The following CACNB4 variants were observed in gnomAD, a reference collection of about 807,000 sequenced individuals.
CACNB4 encodes calcium voltage-gated channel auxiliary subunit beta 4, also known as voltage-dependent L-type calcium channel subunit beta-4.
CACNB4 carries 32 observed loss-of-function variants against 71.2 expected under a neutral mutation model. The observed-to-expected ratio is 0.45, with a 90% CI of 0.34 to 0.60. The LOEUF (loss-of-function observed/expected upper bound fraction) is 0.60, where lower values mean the gene tolerates loss of function less well. Among genes scored for constraint, CACNB4 ranks in the 20% least tolerant of loss-of-function variants. CACNB4 has a pLI of 0.01. For missense variants in CACNB4, 464 were observed against 647.9 expected (o/e 0.72, Z 3.08); for synonymous variants, 231 against 236.9 (o/e 0.97, Z 0.23).
intron 2 of CACNB4, among the ~76,000 whole-genome samples, chr2:152,096,607 TA>T (rs1483583064): frequency 6.6e-6 from 1 of 152,248 alleles, no homozygotes; most frequent in Non-Finnish European, 1.5e-5. Context: ...TCCCATTTCA[TA>T]GATGAAATAT....
intron 2 of CACNB4, among the ~76,000 whole-genome samples, chr2:152,012,227 T>C (rs1056849316): frequency 6.6e-6 from 1 of 151,900 alleles, no homozygotes; most frequent in Non-Finnish European, 1.5e-5. Context: ...ATCCTTCCAG[T>C]GCGAAAAGAT....
intron 5 of CACNB4, among the ~76,000 whole-genome samples, chr2:151,875,775 G>A (rs1391902442): frequency 8.4e-6 from 1 of 119,046 alleles, no homozygotes; most frequent in African/African-American, 3.6e-5. Flanking sequence ...CCTCCCGGAC[G>A]GGGCGGCTGG....
At chr2:151,873,626 C>T (rs1023053768) in intron 5 of CACNB4, 2 of 151,958 alleles carry the variant, frequency 1.3e-5, no homozygotes, top group African/African-American at 4.8e-5. Flanking sequence ...GGAAAGGGGT[C>T]ACTGAAAGGG....
chr2:151,879,104 G>C (rs1212104673), intron 4 of CACNB4, among the ~76,000 whole-genome samples: 3 of 152,126 alleles, frequency 2.0e-5, no homozygotes, highest in Non-Finnish European at 4.4e-5. Context: ...GCATAGGTCT[G>C]GAATTTAAAT....
intron 2 of CACNB4, among the ~76,000 whole-genome samples, chr2:151,923,254 T>G (rs1188271630): frequency 1.3e-5 from 2 of 152,194 alleles, no homozygotes; most frequent in East Asian, 3.8e-4. Context: ...TGAAACTGGG[T>G]CCAACACCTA....
At chr2:151,984,517 T>C (rs1017249895) in intron 2 of CACNB4, among the ~76,000 whole-genome samples, 2 of 152,094 alleles carry the variant, frequency 1.3e-5, no homozygotes, top group Non-Finnish European at 2.9e-5. Context: ...ACCAGCAACT[T>C]TGGGAATCAT....
Position 151,839,269 on chromosome 2 carries a change from C to T in CACNB4, c.1413G>A (p.Arg471=), listed in dbSNP as rs1805029. 1.9e-3 allele frequency: 3,008 copies of T among 1,613,618 alleles called. 4 individuals carry two copies. The highest frequency in any genetic ancestry group is 2.6e-3 in the Middle Eastern group (16 of 6,062). Residue 471 remains arginine, a synonymous_variant, in exon 14 of 14, where the codon AGG becomes AGA. Transcript: ENST00000539935. The part of the protein sequence containing the change: ...NYHNERARKS[R]NRLSSSSQHS... ...GCTGAGAACTGGAAGACAAGCGGTT[C>T]CTACTCTTCCGAGCCCTTTCATTGT... is the stretch of plus-strand genomic sequence containing the variant.
rs542014257 is a variant in CACNB4 at position 151,924,888 on chromosome 2, A to G, written c.148-41518T>C. On this transcript the variant is annotated intron_variant, in intron 2 of 13. Transcript: ENST00000539935. ...TAGGTACCCTTTACACATTGTGACAATGATTCTATCGTTTTTTTCAAGGAA... is the reference window on the plus strand; with the variant it reads ...TAGGTACCCTTTACACATTGTGACAGTGATTCTATCGTTTTTTTCAAGGAA... Among the ~76,000 whole-genome samples the G allele has an allele frequency of 5.9e-5, 9 of 152,280 alleles. No homozygotes were observed. The South Asian group carries it at 1.7e-3, about 28-fold the overall frequency.
At chr2:151,950,391 G>A (rs947666804) in intron 2 of CACNB4, among the ~76,000 whole-genome samples, 1 of 152,138 alleles carries the variant, frequency 6.6e-6, no homozygotes, top group African/African-American at 2.4e-5. Flanking sequence ...CATGCTTCAG[G>A]CCCTATGGAA....
chr2:151,848,696 C>T (rs561777649), intron 12 of CACNB4, among the ~76,000 whole-genome samples: 6 of 152,154 alleles, frequency 3.9e-5, no homozygotes, highest in Non-Finnish European at 8.8e-5. Context: ...TGATCAATGT[C>T]ATTTTACACA....
chr2:152,025,417 T>C (rs1482041575), intron 2 of CACNB4, among the ~76,000 whole-genome samples: 1 of 152,240 alleles, frequency 6.6e-6, no homozygotes, highest in Non-Finnish European at 1.5e-5. Flanking sequence ...CAGACAACCT[T>C]ATTCCAGATA....
intron 2 of CACNB4, among the ~76,000 whole-genome samples, chr2:152,082,253 C>A (rs953021257): frequency 6.6e-6 from 1 of 152,204 alleles, no homozygotes; most frequent in African/African-American, 2.4e-5. Flanking sequence ...AATTATCTTT[C>A]CTCCTGTAAA....
chr2:151,880,300 T>C (rs2099847507), intron 4 of CACNB4: 1 of 155,510 alleles, frequency 6.4e-6, no homozygotes, highest in Non-Finnish European at 1.4e-5. Flanking sequence ...TGCCTTTCTG[T>C]TTCCCAGAGC....
At chr2:151,942,645 T>C (rs1387225317) in intron 2 of CACNB4, among the ~76,000 whole-genome samples, 1 of 136,354 alleles carries the variant, frequency 7.3e-6, no homozygotes. Flanking sequence ...GCTAAATTCT[T>C]TTCCTAGCAA....
intron 2 of CACNB4, among the ~76,000 whole-genome samples, chr2:152,091,023 AAC>A (rs1269786687): frequency 5.3e-5 from 8 of 151,910 alleles, no homozygotes; most frequent in African/African-American, 1.9e-4. Flanking sequence ...CAGCCTGAGC[AAC>A]AGAGTGTGAC....
At chr2:152,046,433 T>C (rs1048676179) in intron 2 of CACNB4, among the ~76,000 whole-genome samples, 3 of 152,240 alleles carry the variant, frequency 2.0e-5, no homozygotes, top group African/African-American at 7.2e-5. Context: ...ATAATCTCTC[T>C]ATAATTTCTT....
intron 2 of CACNB4, among the ~76,000 whole-genome samples, chr2:151,993,434 C>T (rs1302143383): frequency 3.3e-5 from 5 of 152,090 alleles, no homozygotes; most frequent in Non-Finnish European, 7.4e-5. Flanking sequence ...AAGGATGAAA[C>T]ACACAGCAGT....
chr2:151,934,673 CT>C (rs2099862484), intron 2 of CACNB4, among the ~76,000 whole-genome samples: 2 of 152,212 alleles, frequency 1.3e-5, no homozygotes. Context: ...CCCGTCTCTA[CT>C]AAAAATACAC....
At chr2:152,082,766 T>C (rs1192002095) in intron 2 of CACNB4, among the ~76,000 whole-genome samples, 1 of 152,208 alleles carries the variant, frequency 6.6e-6, no homozygotes, top group African/African-American at 2.4e-5. Context: ...ACTTGCTACA[T>C]ATTTTCCCAT....
Sources: gnomAD v4.1 joint callset for allele counts (sites outside exome capture counted in the v4.1 genomes callset) on GRCh38, gnomAD v4.1.1 for gene constraint, MANE v1.5 for transcripts, NCBI Gene and HGNC (gene_info 2026-07-23, HGNC 2026-07-21) for gene names.